The following MAP3K21 variants were observed in gnomAD, a reference collection of about 807,000 sequenced individuals.
The protein encoded by MAP3K21 is mitogen-activated protein kinase kinase kinase MLK4.
In MAP3K21, 63 loss-of-function variants were observed where a neutral mutation model predicts 86.1. The observed-to-expected ratio is 0.73, with a 90% CI of 0.60 to 0.90. The LOEUF is 0.90. Ranked by LOEUF, MAP3K21 falls within the 40% of genes least tolerant of loss-of-function variation. MAP3K21 has a pLI of 0.00. For missense variants in MAP3K21, 1,220 were observed against 1,367.7 expected (o/e 0.89, Z 1.70); for synonymous variants, 558 against 564.8 (o/e 0.99, Z 0.17).
At chr1:233,360,783 T>G (rs1663453816) in intron 4 of MAP3K21, among the ~76,000 whole-genome samples, 2 of 152,250 alleles carry the variant, frequency 1.3e-5, no homozygotes, top group South Asian at 4.1e-4. Flanking sequence ...GTCTAGTTTC[T>G]TCCAGGAGCC....
Position 233,353,862 on chromosome 1 carries a change from G to A in MAP3K21, c.1042G>A (p.Asp348Asn). The A allele has an allele frequency of 6.2e-7, 1 of 1,613,244 alleles. No homozygotes were observed. Among genetic ancestry groups the A allele is most frequent in the African/African-American group, 1.3e-5 (1 of 75,014 alleles). The change falls in exon 3 of 10, where the codon GAT becomes AAT. Residue 348 changes from aspartate to asparagine, a missense_variant. Physicochemically the swap from Asp to Asn is conservative, Grantham distance 23. Around this residue, in one of 5 missense-constraint regions of MAP3K21, gnomAD observed 89 missense variants for 144.8 expected, o/e 0.61. Transcript: ENST00000366624. ...CGGAGAAGTCCCCTATCGGGGCATT[G>A]ATGGCCTCGCCGTGGCTTATGGGGT... ...LTGEVPYRGI[D>N]GLAVAYGVAV...
Position 233,327,998 on chromosome 1 carries a change from C to T in MAP3K21, c.-31C>T. Reference sequence around the variant, plus strand: ...CCGCCCGGGAGGCTGAGCCCAGCTTCCCGCTCCGCCTTCCCCGCGCAGCTG... The same window carrying T: ...CCGCCCGGGAGGCTGAGCCCAGCTTTCCGCTCCGCCTTCCCCGCGCAGCTG... On this transcript the variant is annotated 5_prime_UTR_variant, in exon 1 of 10. Coordinates refer to ENST00000366624, the MANE Select transcript of MAP3K21 (RefSeq NM_032435.3). 1 of 1,249,554 alleles carries T rather than the reference C, an allele frequency of 8.0e-7. No homozygotes were observed. The highest frequency in any genetic ancestry group is 1.0e-6 in the Non-Finnish European group (1 of 998,696). The allele number at this position is 1,249,554 out of a possible 1,614,324, so 77.4% of individuals were successfully genotyped here.
At chr1:233,341,898 G>T (rs1480234372) in intron 1 of MAP3K21, among the ~76,000 whole-genome samples, 1 of 151,996 alleles carries the variant, frequency 6.6e-6, no homozygotes, top group African/African-American at 2.4e-5. Flanking sequence ...CATTAATTTG[G>T]GGTCTTTTGG....
In MAP3K21 at chr1:233,382,646, T is replaced by A; in HGVS notation, c.3046T>A (p.Cys1016Ser). ...GQSRDYTVPLCRMRSKTSRPS... is the reference protein window; with the variant it reads ...GQSRDYTVPLSRMRSKTSRPS... ...GAGCAGGGACTACACTGTGCCACTG[T>A]GCAGAATGAGGAGCAAAACCAGCCG... The change falls in exon 10 of 10, where the codon TGC becomes AGC. Residue 1016 changes from cysteine to serine, a missense_variant. By Grantham distance (112) the Cys-to-Ser change is moderately radical (BLOSUM62 -1). This residue lies in a region of MAP3K21 where 632 missense variants were observed against 691.3 expected (regional missense o/e 0.91). Coordinates refer to ENST00000366624, the MANE Select transcript of MAP3K21 (RefSeq NM_032435.3). The A allele has an allele frequency of 6.2e-7, 1 of 1,614,188 alleles. No individual in the cohort carries two copies. Among genetic ancestry groups the A allele is most frequent in the Non-Finnish European group, 8.5e-7 (1 of 1,180,022 alleles).
chr1:233,341,137 G>A (rs186721317), intron 1 of MAP3K21, among the ~76,000 whole-genome samples: 154 of 152,274 alleles, frequency 1.0e-3, no homozygotes, highest in Non-Finnish European at 1.8e-3. Flanking sequence ...TGCTCAAACA[G>A]TTGTTGCTAG....
intron 1 of MAP3K21, among the ~76,000 whole-genome samples, chr1:233,346,136 A>G (rs902716390): frequency 2.0e-5 from 3 of 152,226 alleles, no homozygotes; most frequent in Non-Finnish European, 4.4e-5. Context: ...GTAAATTTTT[A>G]CAGACTTCTG....
chr1:233,337,017 G>T (rs1662930644), intron 1 of MAP3K21, among the ~76,000 whole-genome samples: 1 of 152,190 alleles, frequency 6.6e-6, no homozygotes, highest in Non-Finnish European at 1.5e-5. Flanking sequence ...AGGACAAATG[G>T]TGTTATTTGT....
chr1:233,362,048 C>G lies in MAP3K21; in HGVS notation c.1312-5C>G, dbSNP rs371164868. 1 of 1,610,196 alleles carries G rather than the reference C, an allele frequency of 6.2e-7. No individual in the cohort carries two copies. Among genetic ancestry groups the G allele is most frequent in the African/African-American group, 1.3e-5 (1 of 74,834 alleles). The stretch of plus-strand genomic sequence containing the variant: ...GATTCCGGTGGGTGTGAATCTGTGT[C>G]GCAGGAGCTGCGATCCCGGGAAGAG... On this transcript the variant is annotated splice_polypyrimidine_tract_variant and splice_region_variant and intron_variant, in intron 4 of 9. Transcript: ENST00000366624.
chr1:233,337,720 T>G (rs1316783242), intron 1 of MAP3K21, among the ~76,000 whole-genome samples: 2 of 152,208 alleles, frequency 1.3e-5, no homozygotes, highest in Non-Finnish European at 2.9e-5. Flanking sequence ...GCAGGCCTGC[T>G]GGTGACTTGG....
Position 233,362,118 on chromosome 1 carries a change from G to C in MAP3K21, c.1377G>C (p.Leu459=). 6.2e-7 allele frequency: 1 copy of C among 1,614,000 alleles called. No individual in the cohort carries two copies. Among genetic ancestry groups the C allele is most frequent in the Non-Finnish European group, 8.5e-7 (1 of 1,179,926 alleles). ...AALQQKSQEE[L]LKRREQQLAE... Reference sequence around the variant, plus strand: ...TGCAGCAGAAGTCTCAGGAGGAGCTGCTAAAGCGGCGTGAGCAGCAGCTGG... The same window carrying C: ...TGCAGCAGAAGTCTCAGGAGGAGCTCCTAAAGCGGCGTGAGCAGCAGCTGG... The change falls in exon 5 of 10, where the codon CTG becomes CTC. Residue 459 remains leucine, a synonymous_variant. Transcript: ENST00000366624.
At chr1:233,352,844 T>A (rs1228084352) in intron 2 of MAP3K21, among the ~76,000 whole-genome samples, 1 of 152,236 alleles carries the variant, frequency 6.6e-6, no homozygotes, top group Non-Finnish European at 1.5e-5. Context: ...ACAAAAGATA[T>A]CTGCGTGTAC....
Position 233,328,894 on chromosome 1 carries a change from A to C in MAP3K21, c.805+61A>C. On this transcript the variant is annotated intron_variant, in intron 1 of 9. Coordinates refer to ENST00000366624, the MANE Select transcript of MAP3K21 (RefSeq NM_032435.3). This position sits in a 1 kb window ranked among gnomAD's most constrained non-coding sequence, Gnocchi z 8.7. ...CTCCGTGCCAGCCCAGGCGGGCTCC[A>C]CAGGACATAGTACCAGATGGAAAGA... 1 of 1,363,470 alleles carries C rather than the reference A, an allele frequency of 7.3e-7. No homozygotes were observed. The highest frequency in any genetic ancestry group is 9.5e-7 in the Non-Finnish European group (1 of 1,050,338). The allele number at this position is 1,363,470 out of a possible 1,614,324, so 84.5% of individuals were successfully genotyped here. A position where few individuals can be genotyped will look rare whatever the true frequency, so the allele number is the denominator to read the frequency against.
chr1:233,337,300 A>G (rs1435422172), intron 1 of MAP3K21, among the ~76,000 whole-genome samples: 1 of 152,244 alleles, frequency 6.6e-6, no homozygotes, highest in Non-Finnish European at 1.5e-5. Flanking sequence ...TGCTGGATTT[A>G]GCCTGTGGGC....
At chr1:233,380,999 T>A (rs932993500) in intron 9 of MAP3K21, among the ~76,000 whole-genome samples, 6 of 152,214 alleles carry the variant, frequency 3.9e-5, no homozygotes, top group African/African-American at 1.4e-4. Context: ...GGCACTGAAA[T>A]ACTGACATTT....
intron 4 of MAP3K21, among the ~76,000 whole-genome samples, chr1:233,356,136 C>T (rs771975954): frequency 5.3e-5 from 8 of 152,174 alleles, no homozygotes; most frequent in South Asian, 2.1e-4. Flanking sequence ...GTGGCCCCTC[C>T]GTTCTCAGTC....
In MAP3K21 at chr1:233,375,903, A is replaced by G. The variant is rs1663786585; in HGVS notation, c.1676-13A>G. The G allele has an allele frequency of 1.2e-6, 2 of 1,603,852 alleles. No homozygotes were observed. Among genetic ancestry groups the G allele is most frequent in the Non-Finnish European group, 1.7e-6 (2 of 1,171,956 alleles). On this transcript the variant is annotated splice_polypyrimidine_tract_variant and intron_variant, in intron 6 of 9. Transcript: ENST00000366624. ...ATTGTTGTGGTTAATATGGTTAATA[A>G]TGTTCTTTTTAGTGACTTCAGATGA...
chr1:233,360,030 GT>G lies in MAP3K21; in HGVS notation c.1312-2016del, dbSNP rs1236111291. ...TAGCTTGGGACCTGGAATTAAAAAT[GT>G]TTTTTTATTCAATTACTATCGTAGC... On this transcript the variant is annotated intron_variant, in intron 4 of 9. Coordinates refer to ENST00000366624, the MANE Select transcript of MAP3K21 (RefSeq NM_032435.3). Among the ~76,000 whole-genome samples the G allele has an allele frequency of 3.3e-5, 5 of 152,124 alleles. No homozygotes were observed. In the South Asian group the frequency reaches 8.3e-4, roughly 25 times the overall value.
At chr1:233,345,017 C>T (rs1663106328) in intron 1 of MAP3K21, among the ~76,000 whole-genome samples, 1 of 152,132 alleles carries the variant, frequency 6.6e-6, no homozygotes, top group Non-Finnish European at 1.5e-5. Flanking sequence ...AAATGCAAAT[C>T]AAAACCACAG....
At chr1:233,364,990 A>G (rs1663547085) in intron 5 of MAP3K21, among the ~76,000 whole-genome samples, 1 of 152,350 alleles carries the variant, frequency 6.6e-6, no homozygotes, top group East Asian at 1.9e-4. Flanking sequence ...ACATGCACGC[A>G]TATTTACTTG....
Sources: gnomAD v4.1 joint callset for allele counts (sites outside exome capture counted in the v4.1 genomes callset) on GRCh38, gnomAD v4.1.1 for gene constraint, gnomAD v4.1.1 regional missense constraint, Gnocchi (gnomAD v3.1) non-coding constraint, MANE v1.5 for transcripts, NCBI Gene and HGNC (gene_info 2026-07-23, HGNC 2026-07-21) for gene names.